The following SUGCT variants were observed in gnomAD, a reference collection of about 807,000 sequenced individuals.
SUGCT encodes the protein succinyl-CoA:glutarate CoA-transferase.
A neutral mutation model predicts 55.0 loss-of-function variants in SUGCT; 41 were observed. The observed-to-expected ratio is 0.74, with a 90% CI of 0.58 to 0.97. SUGCT has a LOEUF of 0.97. SUGCT is among the 50% of genes least tolerant of loss of function. SUGCT has a pLI of 0.00. For missense variants in SUGCT, 568 were observed against 547.8 expected, an observed-to-expected ratio of 1.04 and a Z score of -0.37; for synonymous variants, 187 against 200.4, an observed-to-expected ratio of 0.93 and a Z score of 0.56.
chr7:41,030,051 T>C, the SUGCT span, among the ~76,000 whole-genome samples: 2 of 152,254 alleles, frequency 1.3e-5, no homozygotes, highest in African/African-American at 4.8e-5. Context: ...CTTTACAGTA[T>C]GCATTAAGGC....
At chr7:40,560,601 T>C (rs1795785208) in intron 12 of SUGCT, among the ~76,000 whole-genome samples, 1 of 152,136 alleles carries the variant, frequency 6.6e-6, no homozygotes, top group African/African-American at 2.4e-5. Context: ...GAGTCCTGAG[T>C]AGAGATTATA....
chr7:40,201,271 A>G (rs1786588481), intron 6 of SUGCT, among the ~76,000 whole-genome samples: 1 of 152,184 alleles, frequency 6.6e-6, no homozygotes, highest in Non-Finnish European at 1.5e-5. Flanking sequence ...GTGGAGTAAA[A>G]TGGGATAACA....
chr7:40,573,634 TTTTAA>T (rs1366989042), intron 12 of SUGCT, among the ~76,000 whole-genome samples: 2 of 152,246 alleles, frequency 1.3e-5, no homozygotes, highest in Non-Finnish European at 2.9e-5. Context: ...CACTGGTCTC[TTTTAA>T]TTAATAGATA....
chr7:40,221,886 G>A (rs1287372043), intron 6 of SUGCT, among the ~76,000 whole-genome samples: 1 of 152,174 alleles, frequency 6.6e-6, no homozygotes, highest in Admixed American at 6.5e-5. Flanking sequence ...AAAAGAAAGG[G>A]GCTTCACTGG....
intron 12 of SUGCT, among the ~76,000 whole-genome samples, chr7:40,566,113 G>T (rs1796134770): frequency 6.6e-6 from 1 of 152,034 alleles, no homozygotes; most frequent in Non-Finnish European, 1.5e-5. Flanking sequence ...GCTTCCCATG[G>T]AGCGTCTACA....
At chr7:41,002,316 C>T in the SUGCT span, among the ~76,000 whole-genome samples, 18 of 152,222 alleles carry the variant, frequency 1.2e-4, no homozygotes, top group African/African-American at 4.1e-4. Flanking sequence ...CCACTGTGCC[C>T]GGTGGAGAAT....
At chr7:40,819,999 C>A (rs1281240323) in intron 13 of SUGCT, among the ~76,000 whole-genome samples, 2 of 152,094 alleles carry the variant, frequency 1.3e-5, no homozygotes, top group Non-Finnish European at 2.9e-5. Context: ...TTCCCAGCAC[C>A]ATTTATTAAA....
the SUGCT span, among the ~76,000 whole-genome samples, chr7:40,977,645 C>A: frequency 1.3e-5 from 2 of 152,312 alleles, no homozygotes; most frequent in South Asian, 4.1e-4. Flanking sequence ...AAACCACTCC[C>A]TCTCACAAGG....
intron 7 of SUGCT, among the ~76,000 whole-genome samples, chr7:40,243,970 C>A (rs145168879): frequency 1.3e-5 from 2 of 151,966 alleles, no homozygotes; most frequent in African/African-American, 2.4e-5. Flanking sequence ...GTTAGGAGTT[C>A]GAGACCAGCC....
the SUGCT span, among the ~76,000 whole-genome samples, chr7:40,920,197 T>C: frequency 0.36 from 54,602 of 152,028 alleles, 9,893 homozygotes; most frequent in South Asian, 0.49. Context: ...TCTAGCTCAC[T>C]GGTTAGATTG....
intron 12 of SUGCT, among the ~76,000 whole-genome samples, chr7:40,592,299 T>G (rs1247816947): frequency 6.6e-6 from 1 of 152,178 alleles, no homozygotes; most frequent in Non-Finnish European, 1.5e-5. Flanking sequence ...CTTATTATTT[T>G]GTGGCAGAGA....
intron 9 of SUGCT, among the ~76,000 whole-genome samples, chr7:40,370,338 T>C (rs906776766): frequency 6.6e-6 from 1 of 152,122 alleles, no homozygotes; most frequent in African/African-American, 2.4e-5. Flanking sequence ...GGGAGATCTG[T>C]AGGGCCCTGC....
At chr7:40,431,935 G>T (rs886522892) in intron 9 of SUGCT, among the ~76,000 whole-genome samples, 1 of 151,984 alleles carries the variant, frequency 6.6e-6, no homozygotes, top group Non-Finnish European at 1.5e-5. Flanking sequence ...ATCATTGTTG[G>T]TTTTTTCCCC....
At chr7:40,617,976 C>A (rs530114206) in intron 12 of SUGCT, among the ~76,000 whole-genome samples, 1 of 152,056 alleles carries the variant, frequency 6.6e-6, no homozygotes, top group Non-Finnish European at 1.5e-5. Flanking sequence ...TCACTATAAT[C>A]CTGTTGCTTA....
chr7:40,920,625 T>G, the SUGCT span, among the ~76,000 whole-genome samples: 2 of 152,178 alleles, frequency 1.3e-5, no homozygotes, highest in Non-Finnish European at 2.9e-5. Context: ...TGGTTTTATT[T>G]CTTCTTTCTC....
At chr7:40,851,358 T>C (rs1013096059) in intron 13 of SUGCT, among the ~76,000 whole-genome samples, 2 of 152,218 alleles carry the variant, frequency 1.3e-5, no homozygotes, top group Non-Finnish European at 2.9e-5. Flanking sequence ...GAGGATCAAA[T>C]TAGATAACAA....
At chr7:40,950,907 A>T in the SUGCT span, among the ~76,000 whole-genome samples, 7 of 151,682 alleles carry the variant, frequency 4.6e-5, no homozygotes, top group Non-Finnish European at 1.0e-4. Context: ...GGGATATTGG[A>T]CTACAATTCT....
chr7:40,998,301 G>T, the SUGCT span, among the ~76,000 whole-genome samples: 1 of 152,200 alleles, frequency 6.6e-6, no homozygotes, highest in African/African-American at 2.4e-5. Context: ...GAACCTGGGA[G>T]GTGGAGGTTG....
the SUGCT span, among the ~76,000 whole-genome samples, chr7:40,887,121 G>A: frequency 1.3e-5 from 2 of 152,188 alleles, no homozygotes; most frequent in African/African-American, 4.8e-5. Flanking sequence ...ACCAGTGGCT[G>A]GAAGAGTGGC....
Sources: gnomAD v4.1 joint callset for allele counts (sites outside exome capture counted in the v4.1 genomes callset) on GRCh38, gnomAD v4.1.1 for gene constraint, MANE v1.5 for transcripts, NCBI Gene and HGNC (gene_info 2026-07-23, HGNC 2026-07-21) for gene names.